TRO: variants seen among roughly 807,000 people sequenced by gnomAD.
TRO encodes the protein MAGE superfamily protein.
A neutral mutation model predicts 42.3 loss-of-function variants in TRO; 29 were observed. That is an observed-to-expected ratio of 0.68 (90% confidence interval 0.51 to 0.93). TRO has a LOEUF of 0.93. TRO is among the 40% of genes least tolerant of loss of function. TRO has a pLI of 0.00. For synonymous variants in TRO, 384 were observed against 425.2 expected (o/e 0.90, Z 1.19); for missense variants, 963 against 1,127.7 (o/e 0.85, Z 2.09).
rs939299265 is a variant in TRO at position 54,922,292 on chromosome X, G to A, written c.45+1G>A. On this transcript the variant is annotated splice_donor_variant, in intron 2 of 12. Transcript: ENST00000173898. LOFTEE classifies it high-confidence loss of function. Reference sequence around the variant, plus strand: ...CGGATATAGGGTGCCTCTATTTCAGGTGAGGCCTCTCTGCATTCTCTCTAG... The same window carrying A: ...CGGATATAGGGTGCCTCTATTTCAGATGAGGCCTCTCTGCATTCTCTCTAG... The A allele has an allele frequency of 2.5e-6, 3 of 1,205,895 alleles. No homozygotes were observed. Among genetic ancestry groups the A allele is most frequent in the Non-Finnish European group, 2.2e-6 (2 of 893,299 alleles).
In TRO at chrX:54,930,161, G is replaced by A; in HGVS notation, c.3437G>A (p.Ser1146Asn). ...SVSFGGAHGT[S>N]LCFGGAPSTS... ...AGCTTTGGTGGTGCTCATGGCACCA[G>A]CCTCTGTTTTGGTGGAGCTCCCAGC... is the stretch of plus-strand genomic sequence containing the variant. The change falls in exon 12 of 13, where the codon AGC (serine) becomes AAC (asparagine). Residue 1146 changes from serine to asparagine, a missense_variant. Coordinates refer to ENST00000173898, the MANE Select transcript of TRO (RefSeq NM_001039705.3). 1 of 1,212,169 alleles carries A rather than the reference G, an allele frequency of 8.2e-7. No individual in the cohort carries two copies. The highest frequency in any genetic ancestry group is 1.1e-6 in the Non-Finnish European group (1 of 895,538).
Position 54,930,943 on chromosome X carries a change from G to C in TRO, c.4219G>C (p.Gly1407Arg), listed in dbSNP as rs781028908. The C allele has an allele frequency of 2.5e-6, 3 of 1,209,145 alleles. No individual in the cohort carries two copies. The highest frequency in any genetic ancestry group is 3.4e-6 in the Non-Finnish European group (3 of 893,798). The change falls in exon 12 of 13, where the codon GGT becomes CGT. Residue 1407 changes from glycine (G) to arginine (R), a missense_variant. By Grantham distance (125) the Gly-to-Arg change is moderately radical. Transcript: ENST00000173898. ...TGGACCAAACACTGGTGCTGGCTTT[G>C]GTGGTGGACCGAGCACCAGTGCTGG... ...GGGPNTGAGF[G>R]GGPSTSAGFG... is the part of the protein sequence containing the mutation.
chrX:54,923,251 A>G lies in TRO; in HGVS notation c.719A>G (p.Asn240Ser), dbSNP rs752425688. The change falls in exon 3 of 13, where the codon AAT becomes AGT. Residue 240 changes from asparagine to serine, a missense_variant. Physicochemically the swap from Asn to Ser is conservative, Grantham distance 46. Around this residue, in one of 2 missense-constraint regions of TRO, gnomAD observed 322 missense variants for 316.5 expected, o/e 1.02. Coordinates refer to ENST00000173898, the MANE Select transcript of TRO (RefSeq NM_001039705.3). ...HTATTQGQIT[N>S]ETASIHTTAA... ...GCTACCACCCAAGGCCAAATTACCA[A>G]TGAGACAGCCAGTATCCACACCACA... is the stretch of plus-strand genomic sequence containing the variant. 43 of 1,209,725 alleles carry G rather than the reference A, an allele frequency of 3.6e-5. No homozygotes were observed. The highest frequency in any genetic ancestry group is 4.8e-5 in the Non-Finnish European group (43 of 895,195).
rs1293691853 is a variant in TRO, at chrX:54,927,875, G to A, written c.1878+94G>A. Reference sequence around the variant, plus strand: ...CACAGGGATGGGCAGGTACAGAGCAGCCTGCAGCTCATATATAAACATGTG... The same window carrying A: ...CACAGGGATGGGCAGGTACAGAGCAACCTGCAGCTCATATATAAACATGTG... On this transcript the variant is annotated intron_variant, in intron 11 of 12. Coordinates refer to ENST00000173898, the MANE Select transcript of TRO (RefSeq NM_001039705.3). The A allele has an allele frequency of 6.2e-6, 4 of 650,066 alleles. No homozygotes were observed. In the East Asian group the frequency reaches 1.0e-4, roughly 17 times the overall value. 53.6% of individuals were successfully genotyped at this position (650,066 alleles called of 1,213,427 possible).
At chrX:54,925,124 GAC>G in intron 6 of TRO, 56 bp downstream of exon 6, 2 of 1,057,787 alleles carry the variant, frequency 1.9e-6, no homozygotes, top group Non-Finnish European at 1.3e-6. Context: ...ATCGAGCAAA[GAC>G]ATACATGTCC....
Position 54,923,772 on chromosome X carries a change from A to G in TRO, c.1236+4A>G. The G allele has an allele frequency of 8.4e-7, 1 of 1,191,820 alleles. No homozygotes were observed. Among genetic ancestry groups the G allele is most frequent in the Non-Finnish European group, 1.1e-6 (1 of 885,342 alleles). On this transcript the variant is annotated splice_donor_region_variant and intron_variant, in intron 3 of 12. Coordinates refer to ENST00000173898, the MANE Select transcript of TRO (RefSeq NM_001039705.3). ...CCGGGGCAAAAGAAACCGAAAGGTGAGATCTCTGACATTGCCATCCTTAAC... is the reference window on the plus strand; with the variant it reads ...CCGGGGCAAAAGAAACCGAAAGGTGGGATCTCTGACATTGCCATCCTTAAC...
Position 54,931,011 on chromosome X carries a change from G to A in TRO, c.4287G>A (p.Ser1429=), listed in dbSNP as rs372963489. 178 of 1,187,208 alleles carry A rather than the reference G, an allele frequency of 1.5e-4. 1 individual carries two copies. Among genetic ancestry groups the A allele is most frequent in the African/African-American group, 4.6e-4 (26 of 56,944 alleles). ...GAASLGACGF[S]YG ...CCAGTCTTGGTGCCTGTGGCTTCTC[G>A]TATGGCTAGTGAGGTTTCAGGTAAC... Residue 1429 remains serine (S), a synonymous_variant, in exon 12 of 13, where the codon TCG becomes TCA. Transcript: ENST00000173898.
intron 3 of TRO, among the ~76,000 whole-genome samples, chrX:54,924,149 G>A (rs1932471416): frequency 8.9e-6 from 1 of 112,270 alleles, no homozygotes; most frequent in Non-Finnish European, 1.9e-5. Context: ...GAGAAATGAA[G>A]TGACTTGTCC....
rs748275337 is a variant in TRO, at chrX:54,927,114, T to C, written c.1763+9T>C. The C allele has an allele frequency of 3.3e-6, 4 of 1,209,038 alleles. No homozygotes were observed. In the African/African-American group the frequency reaches 5.3e-5, roughly 16 times the overall value. ...GAGTTTGTGAAGCAGAAGTAAGTGG[T>C]GTTTGGGGCTTTGTCTGGCCCTGAA... On this transcript the variant is annotated intron_variant, in intron 10 of 12. Coordinates refer to ENST00000173898, the MANE Select transcript of TRO (RefSeq NM_001039705.3).
rs190982515 is a variant in TRO at position 54,927,733 on chromosome X, C to G, written c.1830C>G (p.Arg610=). 1.0e-4 allele frequency: 127 copies of G among 1,209,961 alleles called. No homozygotes were observed. In the African/African-American group the frequency reaches 2.1e-3, roughly 20 times the overall value. The change falls in exon 11 of 13, where the codon CGC becomes CGG. Residue 610 remains arginine, a synonymous_variant. Transcript: ENST00000173898. ...AATATGAGTTCTTCTGGGGCTTGCG[C>G]TCCTACCACGAGACTAGCAAGATGA... ...PPEYEFFWGL[R]SYHETSKMKV... is the part of the protein sequence containing the mutation.
chrX:54,927,240 G>A, intron 10 of TRO, 135 bp downstream of exon 10: 2 of 748,623 alleles, frequency 2.7e-6, no homozygotes, highest in Non-Finnish European at 4.0e-6. Context: ...AACTGATACT[G>A]TCTAAAATTC....
rs1569546400 is a variant in TRO at position 54,929,328 on chromosome X, C to T, written c.2604C>T (p.Ser868=). 1 of 1,212,266 alleles carries T rather than the reference C, an allele frequency of 8.2e-7. No individual in the cohort carries two copies. The highest frequency in any genetic ancestry group is 3.0e-5 in the East Asian group (1 of 33,851). Residue 868 remains serine (S), a synonymous_variant, in exon 12 of 13, where the codon AGC becomes AGT. Coordinates refer to ENST00000173898, the MANE Select transcript of TRO (RefSeq NM_001039705.3). ...GTGGTGTACTCAGCACTAGCACCAG[C>T]TTTGGCAGTGCACCCACAACGAGCA... ...GFSGVLSTST[S]FGSAPTTSTV...
Position 54,928,850 on chromosome X carries a change from C to A in TRO, c.2126C>A (p.Ala709Asp). 8.3e-7 allele frequency: 1 copy of A among 1,211,556 alleles called. No homozygotes were observed. ...AWSRFSFEIE[A>D]RAQENADAST... ...AGCAGATTTTCATTTGAAATTGAGG[C>A]CAGAGCCCAAGAAAATGCAGATGCC... Residue 709 changes from alanine (A) to aspartate (D), a missense_variant, in exon 12 of 13, where the codon GCC becomes GAC. Physicochemically the swap from Ala to Asp is moderately radical, Grantham distance 126 (BLOSUM62 -2). This residue lies in a region of TRO where 641 missense variants were observed against 811.3 expected (regional missense o/e 0.79). Coordinates refer to ENST00000173898, the MANE Select transcript of TRO (RefSeq NM_001039705.3).
Position 54,928,636 on chromosome X carries a change from C to A in TRO, c.1912C>A (p.Gln638Lys). ...GAAAGACCCCAAGGACTGGGCTGTG[C>A]AGTACCGCGAGGCAGTGGAGATGGA... ...QKKDPKDWAV[Q>K]YREAVEMEVQ... Residue 638 changes from glutamine to lysine, a missense_variant, in exon 12 of 13, where the codon CAG becomes AAG. Physicochemically the swap from Gln to Lys is moderately conservative, Grantham distance 53 (BLOSUM62 1). This residue lies in a region of TRO where 641 missense variants were observed against 811.3 expected (regional missense o/e 0.79). Transcript: ENST00000173898. 3 of 1,181,336 alleles carry A rather than the reference C, an allele frequency of 2.5e-6. No homozygotes were observed. Among genetic ancestry groups the A allele is most frequent in the Non-Finnish European group, 3.4e-6 (3 of 881,327 alleles).
chrX:54,922,175 T>TC, intron 1 of TRO, 28 bp from the exon 2 acceptor site: 13 of 1,094,892 alleles, frequency 1.2e-5, no homozygotes, highest in South Asian at 1.0e-4. Flanking sequence ...CTGATGAATC[T>TC]CCCCCTCCCT....
chrX:54,924,749 CCCT>C lies in TRO; in HGVS notation c.1405+23_1405+25del, dbSNP rs964358561. The C allele has an allele frequency of 1.7e-6, 2 of 1,204,048 alleles. No homozygotes were observed. The highest frequency in any genetic ancestry group is 3.5e-5 in the African/African-American group (2 of 57,158). Reference sequence around the variant, plus strand: ...AAACGCTCAGGTAGTGTCCTACCAACCCTCCTCCTTGAGCTCTCCTCTCCACTC... The same window carrying C: ...AAACGCTCAGGTAGTGTCCTACCAACCCTCCTTGAGCTCTCCTCTCCACTC... On this transcript the variant is annotated intron_variant, in intron 5 of 12. Transcript: ENST00000173898.
Position 54,930,233 on chromosome X carries a change from G to A in TRO, c.3509G>A (p.Gly1170Asp). The A allele has an allele frequency of 5.8e-6, 7 of 1,212,163 alleles. No individual in the cohort carries two copies. The highest frequency in any genetic ancestry group is 7.8e-6 in the Non-Finnish European group (7 of 895,585). The change falls in exon 12 of 13, where the codon GGT becomes GAT. Residue 1170 changes from glycine (G) to aspartate (D), a missense_variant. Physicochemically the swap from Gly to Asp is moderately conservative, Grantham distance 94 (BLOSUM62 -1). Around this residue, in one of 2 missense-constraint regions of TRO, gnomAD observed 641 missense variants for 811.3 expected, o/e 0.79. Transcript: ENST00000173898. The stretch of plus-strand genomic sequence containing the variant: ...GCATCTAATACTAACCTATGCTTTG[G>A]TGGCCCTCCTAGCACCAGTGCCTGC... The part of the protein sequence containing the change: ...GSASNTNLCF[G>D]GPPSTSACFS...
chrX:54,926,958 G>C (rs1932787760), intron 9 of TRO, 85 bp from the exon 10 acceptor site: 25 of 1,063,603 alleles, frequency 2.4e-5, no homozygotes, highest in Non-Finnish European at 3.1e-5. Context: ...ATGTGCTAGA[G>C]AGGTCTCTTC....
In TRO at chrX:54,931,010, C is replaced by T. The variant is rs1933133705; in HGVS notation, c.4286C>T (p.Ser1429Leu). The change falls in exon 12 of 13, where the codon TCG (serine) becomes TTG (leucine). Residue 1429 changes from serine (S) to leucine (L), a missense_variant. Ser to Leu is a moderately radical substitution (Grantham distance 145, BLOSUM62 -2). Around this residue, in one of 2 missense-constraint regions of TRO, gnomAD observed 641 missense variants for 811.3 expected, o/e 0.79. Coordinates refer to ENST00000173898, the MANE Select transcript of TRO (RefSeq NM_001039705.3). Reference protein sequence around the residue: ...GAASLGACGFSYG With the variant: ...GAASLGACGFLYG ...GCCAGTCTTGGTGCCTGTGGCTTCT[C>T]GTATGGCTAGTGAGGTTTCAGGTAA... is the stretch of plus-strand genomic sequence containing the variant. 8.4e-7 allele frequency: 1 copy of T among 1,189,384 alleles called. No individual in the cohort carries two copies. Among genetic ancestry groups the T allele is most frequent in the Non-Finnish European group, 1.1e-6 (1 of 882,445 alleles).
Sources: gnomAD v4.1 joint callset for allele counts (sites outside exome capture counted in the v4.1 genomes callset) on GRCh38, gnomAD v4.1.1 for gene constraint, gnomAD v4.1.1 regional missense constraint, MANE v1.5 for transcripts, NCBI Gene and HGNC (gene_info 2026-07-23, HGNC 2026-07-21) for gene names.